The following PCDH11X variants were observed in gnomAD, a reference collection of about 807,000 sequenced individuals.
PCDH11X encodes protocadherin-11 X-linked.
Under a neutral mutation model 53.3 loss-of-function variants are expected in PCDH11X, and 18 were observed. The observed-to-expected ratio is 0.34, with a 90% CI of 0.23 to 0.50. PCDH11X has a LOEUF of 0.50. PCDH11X is among the 20% of genes least tolerant of loss of function. PCDH11X has a pLI of 0.98. For synonymous variants in PCDH11X, 279 were observed against 393.3 expected, an observed-to-expected ratio of 0.71 and a Z score of 3.44; for missense variants, 570 against 1,032.4, an observed-to-expected ratio of 0.55 and a Z score of 6.14.
At chrX:92,470,365 T>G (rs2073237201) in intron 10 of PCDH11X, among the ~76,000 whole-genome samples, 1 of 100,995 alleles carries the variant, frequency 9.9e-6, no homozygotes, top group Admixed American at 1.1e-4. Flanking sequence ...TTTAGGTTTT[T>G]CTAAATATAA....
chrX:92,253,937 T>A (rs1442493449), intron 7 of PCDH11X, among the ~76,000 whole-genome samples: 1 of 112,188 alleles, frequency 8.9e-6, no homozygotes, highest in Non-Finnish European at 1.9e-5. Flanking sequence ...TTCTTTCTCT[T>A]GTCTGATTGC....
intron 10 of PCDH11X, among the ~76,000 whole-genome samples, chrX:92,546,287 A>G (rs1156776805): frequency 9.0e-6 from 1 of 111,064 alleles, no homozygotes; most frequent in Non-Finnish European, 1.9e-5. Context: ...TATTGGACAA[A>G]TAATATCCAT....
rs760057425 is a variant in PCDH11X, at chrX:91,988,256, T to A, written c.3033+108983T>A. ...CCTTCTTTCCATTCCTCTCTTTGAATCTTCTATGTTCTCTTCCTCTTTTTC... is the reference window on the plus strand; with the variant it reads ...CCTTCTTTCCATTCCTCTCTTTGAAACTTCTATGTTCTCTTCCTCTTTTTC... On this transcript the variant is annotated intron_variant, in intron 6 of 10. Coordinates refer to ENST00000682573, the MANE Select transcript of PCDH11X (RefSeq NM_032968.5). 2.2e-3 allele frequency among the ~76,000 whole-genome samples: 244 copies of A among 110,368 alleles called. 1 individual carries two copies. The highest frequency in any genetic ancestry group is 7.8e-3 in the African/African-American group (237 of 30,327).
chrX:92,256,831 A>G (rs1413326964), intron 7 of PCDH11X, among the ~76,000 whole-genome samples: 1 of 110,148 alleles, frequency 9.1e-6, no homozygotes, highest in East Asian at 2.9e-4. Context: ...CTGCTTCTGC[A>G]TTACTTTGCT....
At chrX:91,928,257 G>T (rs1416467051) in intron 6 of PCDH11X, among the ~76,000 whole-genome samples, 2 of 109,384 alleles carry the variant, frequency 1.8e-5, no homozygotes, top group Admixed American at 2.0e-4. Context: ...ATCAAACGTG[G>T]CTCTTGTGGA....
intron 7 of PCDH11X, among the ~76,000 whole-genome samples, chrX:92,248,274 T>G (rs1286262268): frequency 9.0e-6 from 1 of 111,673 alleles, no homozygotes; most frequent in Non-Finnish European, 1.9e-5. Flanking sequence ...ACCTTGAAAC[T>G]AAATCCTTAG....
At position 92,232,937 on chromosome X, in the gene PCDH11X, C is replaced by A. The variant is rs775628391; in HGVS notation, c.3115-30177C>A. 1.3e-4 allele frequency among the ~76,000 whole-genome samples: 14 copies of A among 111,260 alleles called. No individual in the cohort carries two copies. The East Asian group carries it at 2.6e-3, about 20-fold the overall frequency. Reference sequence around the variant, plus strand: ...TCACCATGTTAGCCAGGATGGTCTCCATCTCCCGACCTCCTGATCCGCCCA... The same window carrying A: ...TCACCATGTTAGCCAGGATGGTCTCAATCTCCCGACCTCCTGATCCGCCCA... On this transcript the variant is annotated intron_variant, in intron 7 of 10. Coordinates refer to ENST00000682573, the MANE Select transcript of PCDH11X (RefSeq NM_032968.5).
At position 92,431,309 on chromosome X, in the gene PCDH11X, A is replaced by C. The variant is rs757569733; in HGVS notation, c.3344-36990A>C. Among the ~76,000 whole-genome samples, 3 of 110,499 alleles carry C rather than the reference A, an allele frequency of 2.7e-5. No homozygotes were observed. The South Asian group carries it at 1.1e-3, about 42-fold the overall frequency. On this transcript the variant is annotated intron_variant, in intron 9 of 10. Transcript: ENST00000682573. ...CCATTGAAGATATCTGACTCTTTTC[A>C]TAGTTGTATTTTGAAAAGGGGTATT...
intron 5 of PCDH11X, among the ~76,000 whole-genome samples, chrX:91,863,446 T>A (rs1023008790): frequency 3.6e-5 from 4 of 112,065 alleles, no homozygotes; most frequent in African/African-American, 1.3e-4. Context: ...TCCATTGGCA[T>A]GGAATATCTT....
At chrX:92,364,112 T>C (rs1295959862) in intron 8 of PCDH11X, among the ~76,000 whole-genome samples, 2 of 111,798 alleles carry the variant, frequency 1.8e-5, no homozygotes, top group African/African-American at 6.5e-5. Flanking sequence ...GTAGTTTTCT[T>C]ATAGTGTCTT....
At chrX:92,374,017 G>T (rs2070685884) in intron 8 of PCDH11X, among the ~76,000 whole-genome samples, 1 of 108,977 alleles carries the variant, frequency 9.2e-6, no homozygotes, top group Non-Finnish European at 1.9e-5. Context: ...TGTAGATGTT[G>T]CACTACAAAA....
At chrX:92,351,551 T>A (rs964257202) in intron 8 of PCDH11X, among the ~76,000 whole-genome samples, 11 of 111,783 alleles carry the variant, frequency 9.8e-5, no homozygotes, top group African/African-American at 3.2e-4. Flanking sequence ...TATAGTGTAA[T>A]AATAATTATA....
At chrX:91,816,094 CT>C (rs1041751035) in intron 4 of PCDH11X, among the ~76,000 whole-genome samples, 4 of 110,790 alleles carry the variant, frequency 3.6e-5, no homozygotes, top group Non-Finnish European at 7.5e-5. Context: ...CACCACTGCA[CT>C]CCAGCCTGGG....
At chrX:91,820,854 G>T (rs1228774473) in intron 4 of PCDH11X, among the ~76,000 whole-genome samples, 1 of 103,234 alleles carries the variant, frequency 9.7e-6, no homozygotes, top group Non-Finnish European at 1.9e-5. Flanking sequence ...TTTATATAAG[G>T]TGTAAGGAAG....
chrX:92,546,971 G>A (rs776251187), intron 10 of PCDH11X, among the ~76,000 whole-genome samples: 2 of 110,773 alleles, frequency 1.8e-5, no homozygotes, highest in African/African-American at 3.3e-5. Context: ...TTTGCAACAC[G>A]CCTTAGCACA....
chrX:92,449,373 C>A (rs2072730647), intron 9 of PCDH11X, among the ~76,000 whole-genome samples: 1 of 111,624 alleles, frequency 9.0e-6, no homozygotes, highest in Non-Finnish European at 1.9e-5. Context: ...ACACTATTCC[C>A]AGATGGTTGA....
intron 10 of PCDH11X, among the ~76,000 whole-genome samples, chrX:92,531,498 A>G (rs773718313): frequency 9.0e-6 from 1 of 111,176 alleles, no homozygotes; most frequent in Non-Finnish European, 1.9e-5. Flanking sequence ...CTTATTTGCT[A>G]TTAACAATGA....
At chrX:92,262,625 T>C (rs2067741244) in intron 7 of PCDH11X, among the ~76,000 whole-genome samples, 1 of 111,640 alleles carries the variant, frequency 9.0e-6, no homozygotes, top group Non-Finnish European at 1.9e-5. Flanking sequence ...TCAGCAATAA[T>C]ATCCCAATGC....
At chrX:92,215,154 T>C (rs140443162) in intron 7 of PCDH11X, among the ~76,000 whole-genome samples, 18,367 of 110,253 alleles carry the variant, frequency 0.17, 1,304 homozygotes, top group Admixed American at 0.29. Flanking sequence ...TGCATTTCCA[T>C]CTGAGGTACC....
Sources: gnomAD v4.1 joint callset for allele counts (sites outside exome capture counted in the v4.1 genomes callset) on GRCh38, gnomAD v4.1.1 for gene constraint, MANE v1.5 for transcripts, NCBI Gene and HGNC (gene_info 2026-07-23, HGNC 2026-07-21) for gene names.